Variants in STK32C observed in about 807,000 individuals in gnomAD.
STK32C encodes serine/threonine-protein kinase 32C.
Under a neutral mutation model 56.5 loss-of-function variants are expected in STK32C, and 31 were observed. That is an observed-to-expected ratio of 0.55 (90% CI 0.41 to 0.74). The LOEUF (loss-of-function observed/expected upper bound fraction) is 0.74, where lower values mean the gene tolerates loss of function less well. Ranked by LOEUF, STK32C falls within the 30% of genes least tolerant of loss-of-function variation. The pLI is 0.00. For missense variants in STK32C, 544 were observed against 676.9 expected (o/e 0.80, Z 2.18); for synonymous variants, 309 against 289.4 (o/e 1.07, Z -0.69).
chr10:132,221,767 G>A (rs2062670674), intron 10 of STK32C, among the ~76,000 whole-genome samples: 2 of 101,074 alleles, frequency 2.0e-5, no homozygotes, highest in South Asian at 3.8e-4. Context: ...ACCAAAGCCA[G>A]CACACCTGGG....
intron 4 of STK32C, among the ~76,000 whole-genome samples, 182 bp from the exon 5 acceptor site, chr10:132,225,966 C>T (rs547362659): frequency 3.5e-4 from 54 of 152,322 alleles, no homozygotes; most frequent in Non-Finnish European, 5.0e-4. Flanking sequence ...GGGGCAGAGG[C>T]GATGAAGTCA....
At chr10:132,331,703 C>T (rs749246277) in exon 1 of STK32C, 2 of 1,612,626 alleles carry the variant, frequency 1.2e-6, no homozygotes, top group African/African-American at 2.7e-5. Flanking sequence ...CCGCCCGCCC[C>T]GGGCCCTCCG....
intron 1 of STK32C, among the ~76,000 whole-genome samples, chr10:132,266,861 G>A (rs1291381010): frequency 1.3e-5 from 2 of 152,016 alleles, no homozygotes; most frequent in African/African-American, 4.8e-5. Context: ...GGGGCAGCTC[G>A]AGGTCAGAAC....
intron 3 of STK32C, among the ~76,000 whole-genome samples, chr10:132,227,484 G>A (rs1369661970): frequency 6.6e-6 from 1 of 152,088 alleles, no homozygotes; most frequent in Non-Finnish European, 1.5e-5. Context: ...TGGTGGTGAT[G>A]GTGATAACAG....
intron 1 of STK32C, among the ~76,000 whole-genome samples, chr10:132,302,915 G>A (rs1008224605): frequency 6.6e-6 from 1 of 152,084 alleles, no homozygotes; most frequent in East Asian, 1.9e-4. Context: ...TCACTCCAAG[G>A]CAACGTGACA....
upstream of STK32C, among the ~76,000 whole-genome samples, chr10:132,312,174 T>C (rs527437670): frequency 4.6e-5 from 7 of 152,130 alleles, no homozygotes; most frequent in Non-Finnish European, 7.4e-5. Flanking sequence ...CCCTGGCTGA[T>C]TTTTTGTGCT....
intron 8 of STK32C, among the ~76,000 whole-genome samples, 160 bp downstream of exon 8, chr10:132,224,247 G>A (rs1402588967): frequency 6.6e-6 from 1 of 152,156 alleles, no homozygotes; most frequent in African/African-American, 2.4e-5. Flanking sequence ...GGGGCTTGGG[G>A]CTGCCATCTG....
At chr10:132,291,939 G>C (rs982353266) in intron 1 of STK32C, among the ~76,000 whole-genome samples, 1 of 152,160 alleles carries the variant, frequency 6.6e-6, no homozygotes, top group Non-Finnish European at 1.5e-5. Flanking sequence ...AGACACCAGT[G>C]GGGAGCGGGG....
chr10:132,313,981 C>T (rs2066268522), intron 1 of STK32C, among the ~76,000 whole-genome samples: 1 of 152,178 alleles, frequency 6.6e-6, no homozygotes, highest in Non-Finnish European at 1.5e-5. Context: ...CAAGAGTTCG[C>T]AGGCAGAGTC....
intron 2 of STK32C, among the ~76,000 whole-genome samples, chr10:132,234,469 T>C (rs1452054599): frequency 2.6e-5 from 4 of 152,206 alleles, no homozygotes; most frequent in Non-Finnish European, 5.9e-5. Flanking sequence ...AGGTGAGGTC[T>C]CTATGAATTC....
intron 1 of STK32C, among the ~76,000 whole-genome samples, chr10:132,290,870 C>T (rs1257839986): frequency 6.6e-6 from 1 of 152,102 alleles, no homozygotes; most frequent in African/African-American, 2.4e-5. Flanking sequence ...CCACCAAGCC[C>T]AGGGCCACCA....
chr10:132,280,414 CCTG>C (rs1419027593), intron 1 of STK32C, among the ~76,000 whole-genome samples: 6 of 140,818 alleles, frequency 4.3e-5, no homozygotes, highest in African/African-American at 1.6e-4. Context: ...ACCTCCACCC[CCTG>C]ATCACACCAC....
intron 1 of STK32C, among the ~76,000 whole-genome samples, chr10:132,250,795 C>T (rs2063877552): frequency 6.6e-6 from 1 of 152,230 alleles, no homozygotes; most frequent in Non-Finnish European, 1.5e-5. Context: ...GGAGACCGTT[C>T]TAGGCAAAGG....
intron 1 of STK32C, among the ~76,000 whole-genome samples, chr10:132,266,411 T>C (rs2138108026): frequency 6.6e-6 from 1 of 152,246 alleles, no homozygotes; most frequent in Middle Eastern, 3.4e-3. Flanking sequence ...TACACAGGTG[T>C]GCCCATCTGT....
chr10:132,221,477 GTGAGTGTGAGGGCTTCA>G, intron 10 of STK32C, among the ~76,000 whole-genome samples: 3 of 144,784 alleles, frequency 2.1e-5, no homozygotes, highest in South Asian at 2.2e-4. Flanking sequence ...ACGCACCTGG[GTGAGTGTGAGGGCTTCA>G]CGTGGCCATC....
chr10:132,249,054 C>A (rs554121758), intron 1 of STK32C: 14 of 475,736 alleles, frequency 2.9e-5, no homozygotes, highest in African/African-American at 2.2e-4. Context: ...GACTGTGCGA[C>A]GGAGGCGGCG....
chr10:132,227,321 T>C (rs565513771), intron 3 of STK32C, among the ~76,000 whole-genome samples: 1 of 152,218 alleles, frequency 6.6e-6, no homozygotes, highest in Non-Finnish European at 1.5e-5. Context: ...CCTCGGAGGG[T>C]TGTTACAGAA....
intron 1 of STK32C, among the ~76,000 whole-genome samples, chr10:132,251,773 C>T (rs1394750899): frequency 2.1e-5 from 3 of 142,412 alleles, no homozygotes; most frequent in Admixed American, 7.0e-5. Flanking sequence ...CCTCCACTAC[C>T]CACCACAGGC....
intron 2 of STK32C, 65 bp downstream of exon 2, chr10:132,245,835 A>G: frequency 6.6e-7 from 1 of 1,506,960 alleles, no homozygotes; most frequent in Non-Finnish European, 9.2e-7. Context: ...AGGGGACAGC[A>G]TGTCCGACTC....
Sources: gnomAD v4.1 joint callset for allele counts (sites outside exome capture counted in the v4.1 genomes callset) on GRCh38, gnomAD v4.1.1 for gene constraint, MANE v1.5 for transcripts, NCBI Gene and HGNC (gene_info 2026-07-23, HGNC 2026-07-21) for gene names.